The following PKD2L1 variants were observed in gnomAD, a reference collection of about 807,000 sequenced individuals.
PKD2L1 encodes polycystin 2 like 1, transient receptor potential cation channel.
PKD2L1 carries 77 observed loss-of-function variants against 93.0 expected under a neutral mutation model. The observed-to-expected ratio is 0.83, with a 90% CI of 0.69 to 1.00. PKD2L1 has a LOEUF of 1.00. Ranked by LOEUF, PKD2L1 falls within the 50% of genes least tolerant of loss-of-function variation. The pLI is 0.00. For synonymous variants in PKD2L1, 390 were observed against 388.0 expected, an observed-to-expected ratio of 1.01 and a Z score of -0.06; for missense variants, 977 against 990.9, an observed-to-expected ratio of 0.99 and a Z score of 0.19.
chr10:100,291,516 C>G (rs1848407659), intron 11 of PKD2L1, 89 bp from the exon 12 acceptor site: 1 of 1,417,326 alleles, frequency 7.1e-7, no homozygotes, highest in Non-Finnish European at 9.7e-7. Flanking sequence ...TTGACTCTGG[C>G]AAAAGTTTTG....
In PKD2L1 at chr10:100,329,277, G is replaced by C. The variant is rs1239971231; in HGVS notation, c.283C>G (p.Leu95Val). Reference protein sequence around the residue: ...LTENTAENRELYIKTTLRELL... With the variant: ...LTENTAENREVYIKTTLRELL... Reference sequence around the variant, plus strand: ...TCCCTCAGGGTGGTCTTGATATAAAGTTCCCGGTTCTCAGCTGTGTTCTCA... The same window carrying C: ...TCCCTCAGGGTGGTCTTGATATAAACTTCCCGGTTCTCAGCTGTGTTCTCA... The change falls in exon 2 of 16, where the codon CTT becomes GTT. Residue 95 changes from leucine (L) to valine (V), a missense_variant. Leu to Val is a conservative substitution (Grantham distance 32). Transcript: ENST00000318222. 2 of 1,614,146 alleles carry C rather than the reference G, an allele frequency of 1.2e-6. No individual in the cohort carries two copies. Among genetic ancestry groups the C allele is most frequent in the Non-Finnish European group, 1.7e-6 (2 of 1,179,994 alleles).
intron 12 of PKD2L1, among the ~76,000 whole-genome samples, chr10:100,290,935 C>T (rs1197857037): frequency 6.6e-6 from 1 of 152,158 alleles, no homozygotes; most frequent in South Asian, 2.1e-4. Flanking sequence ...AAGGCAAGTC[C>T]TCTGAGGGAA....
chr10:100,290,554 T>A, intron 12 of PKD2L1, 35 bp from the exon 13 acceptor site: 2 of 1,384,300 alleles, frequency 1.4e-6, no homozygotes, highest in Non-Finnish European at 1.0e-6. Context: ...GGGGAGGAGA[T>A]AACTCTGGGA....
chr10:100,297,575 C>G lies in PKD2L1; in HGVS notation c.763G>C (p.Gly255Arg). Reference sequence around the variant, plus strand: ...GTGAGCCTGCCCCAGTGGGAGAAGCCCCCCAACTCATCCTGCGAGTGGTAT... The same window carrying G: ...GTGAGCCTGCCCCAGTGGGAGAAGCGCCCCAACTCATCCTGCGAGTGGTAT... Reference protein sequence around the residue: ...WTYHSQDELGGFSHWGRLTSY... With the variant: ...WTYHSQDELGRFSHWGRLTSY... Residue 255 changes from glycine to arginine, a missense_variant, in exon 5 of 16, where the codon GGC becomes CGC. Gly to Arg is a moderately radical substitution (Grantham distance 125). Transcript: ENST00000318222. 1 of 1,613,950 alleles carries G rather than the reference C, an allele frequency of 6.2e-7. No individual in the cohort carries two copies.
chr10:100,318,246 A>G (rs189860956), intron 2 of PKD2L1, among the ~76,000 whole-genome samples: 205 of 152,238 alleles, frequency 1.3e-3, no homozygotes, highest in African/African-American at 4.4e-3. Flanking sequence ...CTACCTGTGT[A>G]CCTTATTTCA....
chr10:100,327,767 G>A (rs776218579), intron 2 of PKD2L1, among the ~76,000 whole-genome samples: 22 of 152,258 alleles, frequency 1.4e-4, no homozygotes, highest in African/African-American at 4.3e-4. Context: ...ACATTGGGCC[G>A]GCCGTTGTTC....
Position 100,291,436 on chromosome 10 carries a change from A to G in PKD2L1, c.1881-9T>C. ...GCTCTGCGTGTCCCAGTCTGAGAAG[A>G]GGATGATGAAATGATTTCTGCCCAG... On this transcript the variant is annotated splice_polypyrimidine_tract_variant and intron_variant, in intron 11 of 15. Transcript: ENST00000318222. 1 of 1,613,730 alleles carries G rather than the reference A, an allele frequency of 6.2e-7. No individual in the cohort carries two copies. Among genetic ancestry groups the G allele is most frequent in the South Asian group, 1.1e-5 (1 of 91,062 alleles).
intron 10 of PKD2L1, 71 bp downstream of exon 10, chr10:100,293,210 C>G (rs1848444850): frequency 1.3e-6 from 2 of 1,520,524 alleles, no homozygotes; most frequent in Non-Finnish European, 1.8e-6. Context: ...CAGTCAGGAA[C>G]AGACCAGGAC....
At position 100,297,484 on chromosome 10, in the gene PKD2L1, A is replaced by G; in HGVS notation, c.854T>C (p.Leu285Pro). 1.2e-6 allele frequency: 2 copies of G among 1,614,130 alleles called. No homozygotes were observed. Among genetic ancestry groups the G allele is most frequent in the Non-Finnish European group, 1.7e-6 (2 of 1,180,014 alleles). Residue 285 changes from leucine (L) to proline (P), a missense_variant, in exon 5 of 16, where the codon CTC (leucine) becomes CCC (proline). Coordinates refer to ENST00000318222, the MANE Select transcript of PKD2L1 (RefSeq NM_016112.3). ...PGSRQGSAEA[L>P]RALQEGLWLD... ...CCACAGCCCCTCCTGAAGGGCCCGGAGAGCCTCTGCACTACCCTGTCGGGA... is the reference window on the plus strand; with the variant it reads ...CCACAGCCCCTCCTGAAGGGCCCGGGGAGCCTCTGCACTACCCTGTCGGGA...
intron 2 of PKD2L1, among the ~76,000 whole-genome samples, chr10:100,301,419 A>G (rs1848670580): frequency 6.6e-6 from 1 of 151,866 alleles, no homozygotes; most frequent in African/African-American, 2.4e-5. Flanking sequence ...CTGCAGCTGC[A>G]TAAGGCAGAC....
In PKD2L1 at chr10:100,298,577, G is replaced by A; in HGVS notation, c.716C>T (p.Pro239Leu). ...PDKEEQLPFG[P>L]FNGTAWTYHS... Reference sequence around the variant, plus strand: ...GCTCACTCACGCTGTGCCATTGAAGGGCCCAAAGGGGAGTTGTTCTTCTTT... The same window carrying A: ...GCTCACTCACGCTGTGCCATTGAAGAGCCCAAAGGGGAGTTGTTCTTCTTT... Residue 239 changes from proline (P) to leucine (L), a missense_variant, in exon 4 of 16, where the codon CCC becomes CTC. Pro to Leu is a moderately conservative substitution (Grantham distance 98). Transcript: ENST00000318222. The A allele has an allele frequency of 6.2e-7, 1 of 1,614,116 alleles. No homozygotes were observed. Among genetic ancestry groups the A allele is most frequent in the Non-Finnish European group, 8.5e-7 (1 of 1,180,010 alleles).
chr10:100,321,868 C>G (rs1372720615), intron 2 of PKD2L1, among the ~76,000 whole-genome samples: 212 of 5,688 alleles, frequency 0.037, 53 homozygotes, highest in African/African-American at 0.074. Flanking sequence ...GGCAGGCAGG[C>G]AGGCAGGCAG....
chr10:100,329,288 T>C lies in PKD2L1; in HGVS notation c.272A>G (p.Glu91Gly). The C allele has an allele frequency of 6.2e-7, 1 of 1,614,186 alleles. No homozygotes were observed. Among genetic ancestry groups the C allele is most frequent in the Non-Finnish European group, 8.5e-7 (1 of 1,180,002 alleles). Residue 91 changes from glutamate (E) to glycine (G), a missense_variant, in exon 2 of 16, where the codon GAG becomes GGG. Coordinates refer to ENST00000318222, the MANE Select transcript of PKD2L1 (RefSeq NM_016112.3). ...GGTCTTGATATAAAGTTCCCGGTTC[T>C]CAGCTGTGTTCTCAGTCAGGGTTGT... The part of the protein sequence containing the change: ...WGTTLTENTA[E>G]NRELYIKTTL...
chr10:100,294,865 T>A, intron 8 of PKD2L1, 77 bp downstream of exon 8: 1 of 1,410,404 alleles, frequency 7.1e-7, no homozygotes, highest in Non-Finnish European at 9.8e-7. Context: ...CACGTACCCA[T>A]CTTCCCCAAG....
chr10:100,298,542 G>C lies in PKD2L1; in HGVS notation c.731+20C>G. The C allele has an allele frequency of 6.2e-7, 1 of 1,612,270 alleles. No homozygotes were observed. Among genetic ancestry groups the C allele is most frequent in the South Asian group, 1.1e-5 (1 of 90,834 alleles). Reference sequence around the variant, plus strand: ...TTAGAGGGGCAAGCCCTGTGATATTGGTAGGACAGGCTCACTCACGCTGTG... The same window carrying C: ...TTAGAGGGGCAAGCCCTGTGATATTCGTAGGACAGGCTCACTCACGCTGTG... On this transcript the variant is annotated intron_variant, in intron 4 of 15. Coordinates refer to ENST00000318222, the MANE Select transcript of PKD2L1 (RefSeq NM_016112.3).
chr10:100,291,331 T>C lies in PKD2L1; in HGVS notation c.1977A>G (p.Glu659=), dbSNP rs775183602. 5 of 1,613,950 alleles carry C rather than the reference T, an allele frequency of 3.1e-6. No homozygotes were observed. The highest frequency in any genetic ancestry group is 4.5e-5 in the East Asian group (2 of 44,892). ...CTTCCTCCAGGTCCTGTCGCATTTT[T>C]TCCTGTTCCTTCTCATCCAGAATAC... ...GNRILDEKEQ[E]KMRQDLEEER... Residue 659 remains glutamate, a synonymous_variant, in exon 12 of 16, where the codon GAA becomes GAG. Transcript: ENST00000318222.
At chr10:100,295,552 T>C (rs572003163) in intron 7 of PKD2L1, among the ~76,000 whole-genome samples, 5 of 148,692 alleles carry the variant, frequency 3.4e-5, no homozygotes, top group Non-Finnish European at 5.9e-5. Context: ...GCCAACATGG[T>C]GAAACCTCGT....
intron 6 of PKD2L1, among the ~76,000 whole-genome samples, chr10:100,296,506 A>T (rs1050746639): frequency 6.6e-6 from 1 of 152,174 alleles, no homozygotes; most frequent in Non-Finnish European, 1.5e-5. Flanking sequence ...GGCATTGGGG[A>T]CAATGGTAAA....
intron 4 of PKD2L1, 96 bp from the exon 5 acceptor site, chr10:100,297,702 TTG>T (rs60373525): frequency 0.045 from 27,145 of 604,030 alleles, 173 homozygotes; most frequent in Middle Eastern, 0.076. Context: ...GGTTTACATA[TTG>T]TGTGTGTGTG....
Sources: gnomAD v4.1 joint callset for allele counts (sites outside exome capture counted in the v4.1 genomes callset) on GRCh38, gnomAD v4.1.1 for gene constraint, MANE v1.5 for transcripts, NCBI Gene and HGNC (gene_info 2026-07-23, HGNC 2026-07-21) for gene names.